Variants in GRIK1 observed in about 807,000 individuals in gnomAD.
GRIK1 encodes glutamate ionotropic receptor kainate type subunit 1, also known as glutamate receptor ionotropic, kainate 1.
Under a neutral mutation model 105.7 loss-of-function variants are expected in GRIK1, and 69 were observed. The observed-to-expected ratio is 0.65, with a 90% CI of 0.54 to 0.80. GRIK1 has a LOEUF of 0.80. Among genes scored for constraint, GRIK1 ranks in the 30% least tolerant of loss-of-function variants. The pLI is 0.00. For synonymous variants in GRIK1, 438 were observed against 431.3 expected (o/e 1.02, Z -0.19); for missense variants, 1,109 against 1,167.3 (o/e 0.95, Z 0.73).
intron 7 of GRIK1, among the ~76,000 whole-genome samples, chr21:29,600,935 A>G (rs962995312): frequency 6.6e-6 from 1 of 152,240 alleles, no homozygotes; most frequent in African/African-American, 2.4e-5. Context: ...CATAAAGTAC[A>G]TAATGGATTC....
intron 12 of GRIK1, among the ~76,000 whole-genome samples, chr21:29,583,686 T>C (rs547460335): frequency 3.1e-4 from 47 of 152,310 alleles, no homozygotes; most frequent in Admixed American, 9.8e-4. Flanking sequence ...TCTGCAGAGA[T>C]ATTTTAGGTC....
chr21:29,914,504 A>G (rs139743961), intron 1 of GRIK1, among the ~76,000 whole-genome samples: 3 of 152,184 alleles, frequency 2.0e-5, no homozygotes, highest in Admixed American at 6.6e-5. Flanking sequence ...AGCAATGCCA[A>G]CTTCAAGCCC....
intron 5 of GRIK1, among the ~76,000 whole-genome samples, chr21:29,654,047 G>A (rs1272208361): frequency 6.6e-6 from 1 of 152,096 alleles, no homozygotes; most frequent in Non-Finnish European, 1.5e-5. Context: ...CAGAATCCAG[G>A]TCAAATTTAG....
chr21:29,791,582 G>T lies in GRIK1; in HGVS notation c.119-97519C>A, dbSNP rs1252903227. Reference sequence around the variant, plus strand: ...AATAGTCCACGCATGATGTTGAACTGTATGAAAAGCAAGCCTCAAGACTTT... The same window carrying T: ...AATAGTCCACGCATGATGTTGAACTTTATGAAAAGCAAGCCTCAAGACTTT... On this transcript the variant is annotated intron_variant, in intron 1 of 17. Transcript: ENST00000327783. 3.3e-5 allele frequency among the ~76,000 whole-genome samples: 5 copies of T among 152,182 alleles called. No homozygotes were observed. The East Asian group carries it at 9.6e-4, about 29-fold the overall frequency.
chr21:29,720,930 A>G (rs1183662023), intron 1 of GRIK1, among the ~76,000 whole-genome samples: 1 of 152,188 alleles, frequency 6.6e-6, no homozygotes, highest in Non-Finnish European at 1.5e-5. Context: ...CTCCCTGAGA[A>G]TCTCATTAAC....
At chr21:29,873,843 A>G (rs1395992240) in intron 1 of GRIK1, among the ~76,000 whole-genome samples, 1 of 152,202 alleles carries the variant, frequency 6.6e-6, no homozygotes, top group Non-Finnish European at 1.5e-5. Context: ...CCTTTTTGGC[A>G]CCAGGGACTA....
intron 1 of GRIK1, among the ~76,000 whole-genome samples, chr21:29,760,923 T>C (rs2065496408): frequency 6.6e-6 from 1 of 152,230 alleles, no homozygotes; most frequent in South Asian, 2.1e-4. Flanking sequence ...TCCAGACAGA[T>C]TCCAAAGGAT....
chr21:29,548,521 A>G (rs1443117026), intron 16 of GRIK1, among the ~76,000 whole-genome samples: 1 of 151,890 alleles, frequency 6.6e-6, no homozygotes, highest in Non-Finnish European at 1.5e-5. Context: ...GAGTTAATTA[A>G]TAATACCATT....
At chr21:29,540,995 G>T (rs1326084657) in intron 16 of GRIK1, among the ~76,000 whole-genome samples, 1 of 143,778 alleles carries the variant, frequency 7.0e-6, no homozygotes, top group Non-Finnish European at 1.5e-5. Flanking sequence ...TTTTGACAGA[G>T]TCTCACTCTG....
intron 3 of GRIK1, among the ~76,000 whole-genome samples, chr21:29,687,029 G>C (rs1369482322): frequency 3.3e-5 from 5 of 152,162 alleles, no homozygotes; most frequent in African/African-American, 9.7e-5. Context: ...GAAGAGAGAC[G>C]AGGCGAGACG....
At chr21:29,882,695 A>T (rs777236007) in intron 1 of GRIK1, among the ~76,000 whole-genome samples, 3 of 152,150 alleles carry the variant, frequency 2.0e-5, no homozygotes, top group African/African-American at 7.2e-5. Context: ...ATTATCTCAC[A>T]TGCATATTCC....
intron 6 of GRIK1, among the ~76,000 whole-genome samples, chr21:29,643,360 C>T (rs1000996557): frequency 1.3e-5 from 2 of 152,204 alleles, no homozygotes; most frequent in Non-Finnish European, 2.9e-5. Flanking sequence ...CAGCATTTGT[C>T]TATATCTATT....
intron 1 of GRIK1, among the ~76,000 whole-genome samples, chr21:29,870,640 GC>G (rs1380730478): frequency 6.6e-6 from 1 of 151,878 alleles, no homozygotes; most frequent in East Asian, 1.9e-4. Flanking sequence ...CAGACCTATT[GC>G]ATCTTCTCTG....
chr21:29,761,923 T>C (rs557865815), intron 1 of GRIK1, among the ~76,000 whole-genome samples: 70 of 152,284 alleles, frequency 4.6e-4, no homozygotes, highest in African/African-American at 1.6e-3. Flanking sequence ...ATTTTTTGTA[T>C]TTTTAGTAGA....
intron 1 of GRIK1, among the ~76,000 whole-genome samples, chr21:29,887,708 T>G (rs990195502): frequency 1.3e-5 from 2 of 152,154 alleles, no homozygotes; most frequent in Non-Finnish European, 2.9e-5. Context: ...TCCCTCTTCC[T>G]TCCTCAGTGT....
rs1472288638 is a variant in GRIK1 at position 29,581,491 on chromosome 21, C to G, written c.1846G>C (p.Val616Leu). The G allele has an allele frequency of 6.2e-7, 1 of 1,613,290 alleles. No homozygotes were observed. Among genetic ancestry groups the G allele is most frequent in the South Asian group, 1.1e-5 (1 of 91,046 alleles). The change falls in exon 13 of 18, where the codon GTG becomes CTG. Residue 616 changes from valine (V) to leucine (L), a missense_variant. By Grantham distance (32) the Val-to-Leu change is conservative. Coordinates refer to ENST00000327783, the MANE Select transcript of GRIK1 (RefSeq NM_001330994.2). Reference sequence around the variant, plus strand: ...AGTAAAGTAAAATTGTTTTCCACCACGTCTGAGTCAGGGTTGCATGGGTGG... The same window carrying G: ...AGTAAAGTAAAATTGTTTTCCACCAGGTCTGAGTCAGGGTTGCATGGGTGG... ...NPHPCNPDSD[V>L]VENNFTLLNS...
Position 29,784,175 on chromosome 21 carries a change from C to G in GRIK1, c.119-90112G>C, listed in dbSNP as rs919199614. 2.0e-5 allele frequency among the ~76,000 whole-genome samples: 3 copies of G among 152,122 alleles called. No homozygotes were observed. In the East Asian group the frequency reaches 5.8e-4, roughly 29 times the overall value. Reference sequence around the variant, plus strand: ...TCACACTATGTCAATATAAAAGAAGCTTTTTCAGTTGTTCCATATTTGAAT... The same window carrying G: ...TCACACTATGTCAATATAAAAGAAGGTTTTTCAGTTGTTCCATATTTGAAT... On this transcript the variant is annotated intron_variant, in intron 1 of 17. Transcript: ENST00000327783.
chr21:29,765,293 C>A (rs1392862543), intron 1 of GRIK1, among the ~76,000 whole-genome samples: 1 of 151,984 alleles, frequency 6.6e-6, no homozygotes, highest in African/African-American at 2.4e-5. Flanking sequence ...TCTAATATGT[C>A]TCTTTTTTCT....
chr21:29,690,032 G>A (rs780911384), intron 2 of GRIK1, 47 bp from the exon 3 acceptor site: 1 of 1,450,152 alleles, frequency 6.9e-7, no homozygotes, highest in South Asian at 1.2e-5. Context: ...GGCAGGGAAA[G>A]GGGGAGAGAA....
Sources: allele counts gnomAD v4.1 joint callset (sites outside exome capture counted in the v4.1 genomes callset), GRCh38; gene constraint gnomAD v4.1.1; transcripts MANE v1.5; gene names NCBI Gene and HGNC (gene_info 2026-07-23, HGNC 2026-07-21).